The following DOCK3 variants were observed in gnomAD, a reference collection of about 807,000 sequenced individuals.
DOCK3 encodes dedicator of cytokinesis 3.
In DOCK3, 60 loss-of-function variants were observed where a neutral mutation model predicts 265.6. That is an observed-to-expected ratio of 0.23 (90% CI 0.18 to 0.28). DOCK3 has a LOEUF of 0.28. Ranked by LOEUF, DOCK3 falls within the 10% of genes least tolerant of loss-of-function variation. The pLI, the probability that DOCK3 is intolerant of heterozygous loss-of-function variation, is 1.00. For missense variants in DOCK3, 1,981 were observed against 2,594.3 expected (o/e 0.76, Z 5.14); for synonymous variants, 881 against 938.0 (o/e 0.94, Z 1.11).
intron 1 of DOCK3, among the ~76,000 whole-genome samples, chr3:50,736,479 G>A (rs927501961): frequency 6.6e-6 from 1 of 152,150 alleles, no homozygotes; most frequent in Non-Finnish European, 1.5e-5. Flanking sequence ...TCGCCGCACT[G>A]TCTTCCATAA....
At chr3:51,335,851 G>A (rs555292632) in intron 35 of DOCK3, among the ~76,000 whole-genome samples, 1 of 152,194 alleles carries the variant, frequency 6.6e-6, no homozygotes, top group Non-Finnish European at 1.5e-5. Context: ...AAGTAGCCAG[G>A]CATGGTGACA....
At chr3:50,764,119 G>A (rs1256189378) in intron 1 of DOCK3, among the ~76,000 whole-genome samples, 2 of 152,076 alleles carry the variant, frequency 1.3e-5, no homozygotes. Context: ...ATGAGATGTT[G>A]TATTACATTT....
chr3:50,808,956 A>G lies in DOCK3; in HGVS notation c.121+30198A>G, dbSNP rs557936746. Among the ~76,000 whole-genome samples, 3 of 152,210 alleles carry G rather than the reference A, an allele frequency of 2.0e-5. No homozygotes were observed. In the South Asian group the frequency reaches 6.2e-4, roughly 31 times the overall value. On this transcript the variant is annotated intron_variant, in intron 2 of 52. Coordinates refer to ENST00000266037, the MANE Select transcript of DOCK3 (RefSeq NM_004947.5). ...CCTCACAGAATATACTCCAAACTCA[A>G]TTCCAAGTAGATGGTAGAACTGAAT...
chr3:50,981,989 C>T (rs1211306686), intron 5 of DOCK3, among the ~76,000 whole-genome samples: 4 of 151,940 alleles, frequency 2.6e-5, no homozygotes, highest in Admixed American at 2.6e-4. Flanking sequence ...GCTGGGACTA[C>T]AGGAGCATGC....
chr3:51,040,931 A>G (rs2080455459), intron 5 of DOCK3, among the ~76,000 whole-genome samples: 1 of 151,626 alleles, frequency 6.6e-6, no homozygotes, highest in Non-Finnish European at 1.5e-5. Flanking sequence ...TAATTCTACC[A>G]TATCTGCAAT....
chr3:51,048,506 C>T (rs535584899), intron 5 of DOCK3, among the ~76,000 whole-genome samples: 1 of 152,208 alleles, frequency 6.6e-6, no homozygotes, highest in South Asian at 2.1e-4. Flanking sequence ...ATGAAATTCA[C>T]TGATGTTTAG....
In DOCK3 at chr3:50,777,246, A is replaced by G. The variant is rs909804721; in HGVS notation, c.38-1429A>G. On this transcript the variant is annotated intron_variant, in intron 1 of 52. Transcript: ENST00000266037. ...GTTTTTGTATGCTTTGTTGAATACCATTTGGCTTTATTTCTGGGTTCTGTA... is the reference window on the plus strand; with the variant it reads ...GTTTTTGTATGCTTTGTTGAATACCGTTTGGCTTTATTTCTGGGTTCTGTA... Among the ~76,000 whole-genome samples, 18 of 151,894 alleles carry G rather than the reference A, an allele frequency of 1.2e-4. 1 individual carries two copies. The highest frequency in any genetic ancestry group is 9.2e-4 in the Admixed American group (14 of 15,240).
intron 28 of DOCK3, 132 bp downstream of exon 28, chr3:51,310,458 C>A: frequency 2.5e-6 from 2 of 790,524 alleles, no homozygotes; most frequent in Non-Finnish European, 4.0e-6. Flanking sequence ...GAGGAGAGGG[C>A]AAATGAGAAA....
chr3:50,716,153 A>G (rs2037092855), intron 1 of DOCK3, among the ~76,000 whole-genome samples: 1 of 151,898 alleles, frequency 6.6e-6, no homozygotes, highest in Non-Finnish European at 1.5e-5. Context: ...ATACCAGATG[A>G]ATCCTGTAGA....
chr3:50,725,931 A>G (rs1410377380), intron 1 of DOCK3, among the ~76,000 whole-genome samples: 3 of 152,320 alleles, frequency 2.0e-5, no homozygotes, highest in African/African-American at 7.2e-5. Flanking sequence ...AAAGAGAACA[A>G]AAATTCCCAA....
At chr3:51,257,023 A>G (rs1435810109) in intron 22 of DOCK3, among the ~76,000 whole-genome samples, 1 of 152,250 alleles carries the variant, frequency 6.6e-6, no homozygotes, top group Non-Finnish European at 1.5e-5. Context: ...GGGTCTTGCT[A>G]GATCAGCTGA....
At chr3:51,356,787 G>C (rs529703647) in intron 43 of DOCK3, among the ~76,000 whole-genome samples, 175 bp from the exon 44 acceptor site, 50 of 152,306 alleles carry the variant, frequency 3.3e-4, no homozygotes, top group African/African-American at 1.2e-3. Flanking sequence ...ACTATTTGCT[G>C]TACTTCCAAG....
chr3:51,037,961 A>G (rs571715499), intron 5 of DOCK3, among the ~76,000 whole-genome samples: 1 of 152,312 alleles, frequency 6.6e-6, no homozygotes, highest in Non-Finnish European at 1.5e-5. Flanking sequence ...AACATAGAAA[A>G]AAGAAGGGAG....
intron 14 of DOCK3, among the ~76,000 whole-genome samples, chr3:51,223,850 A>C (rs1473097722): frequency 6.6e-6 from 1 of 152,238 alleles, no homozygotes; most frequent in Admixed American, 6.5e-5. Flanking sequence ...TGACAGTAGC[A>C]GACTGATGAA....
At chr3:51,237,389 G>A (rs1194722359) in intron 20 of DOCK3, 101 bp from the exon 21 acceptor site, 11 of 945,282 alleles carry the variant, frequency 1.2e-5, no homozygotes, top group Non-Finnish European at 1.6e-5. Context: ...GGACAGCACT[G>A]ACAATTTGCC....
intron 4 of DOCK3, among the ~76,000 whole-genome samples, chr3:50,909,324 A>T (rs1010004378): frequency 6.6e-6 from 1 of 151,918 alleles, no homozygotes; most frequent in African/African-American, 2.4e-5. Flanking sequence ...TCTTCTGTGT[A>T]CTTCAGTGCG....
At chr3:50,854,119 C>T (rs1382605834) in intron 3 of DOCK3, among the ~76,000 whole-genome samples, 4 of 151,800 alleles carry the variant, frequency 2.6e-5, no homozygotes, top group Non-Finnish European at 4.4e-5. Context: ...TCTTTTGAGA[C>T]GTGTCTATTC....
intron 5 of DOCK3, among the ~76,000 whole-genome samples, chr3:50,964,336 C>T (rs1344601720): frequency 6.6e-6 from 1 of 152,116 alleles, no homozygotes; most frequent in Non-Finnish European, 1.5e-5. Flanking sequence ...CCTGAACTGA[C>T]ACAGATATTG....
rs556887645 is a variant in DOCK3 at position 50,922,486 on chromosome 3, C to T, written c.219-11495C>T. 1.1e-4 allele frequency among the ~76,000 whole-genome samples: 16 copies of T among 152,332 alleles called. No individual in the cohort carries two copies. The East Asian group carries it at 1.4e-3, about 13-fold the overall frequency. Reference sequence around the variant, plus strand: ...CCCTTGGCCAGGAAAGGGAATTCCCCGACCCCTTGCGCTTCCCACGTGGGG... The same window carrying T: ...CCCTTGGCCAGGAAAGGGAATTCCCTGACCCCTTGCGCTTCCCACGTGGGG... On this transcript the variant is annotated intron_variant, in intron 4 of 52. Transcript: ENST00000266037.
Sources: gnomAD v4.1 joint callset for allele counts (sites outside exome capture counted in the v4.1 genomes callset) on GRCh38, gnomAD v4.1.1 for gene constraint, MANE v1.5 for transcripts, NCBI Gene and HGNC (gene_info 2026-07-23, HGNC 2026-07-21) for gene names.